Variants in SLX4 observed in about 807,000 individuals in gnomAD.
SLX4 encodes structure-specific endonuclease subunit SLX4.
SLX4 carries 112 observed loss-of-function variants against 146.2 expected under a neutral mutation model. The ratio of observed to expected loss-of-function variants is 0.77; its 90% CI spans 0.66 to 0.90. The LOEUF is 0.90. Among genes scored for constraint, SLX4 ranks in the 40% least tolerant of loss-of-function variants. The pLI is 0.00. For missense variants in SLX4, 2,563 were observed against 2,392.7 expected (o/e 1.07, Z -1.49); for synonymous variants, 1,061 against 997.7 (o/e 1.06, Z -1.20).
In SLX4 at chr16:3,601,108, G is replaced by A. The variant is rs751770341; in HGVS notation, c.1034C>T (p.Thr345Ile). The A allele has an allele frequency of 6.2e-7, 1 of 1,614,044 alleles. No homozygotes were observed. Among genetic ancestry groups the A allele is most frequent in the African/African-American group, 1.3e-5 (1 of 74,922 alleles). Residue 345 changes from threonine (T) to isoleucine (I), a missense_variant, in exon 5 of 15, where the codon ACC becomes ATC. Transcript: ENST00000294008. The stretch of plus-strand genomic sequence containing the variant: ...CAAGTGACTGGTTCTGCTCTTTAAG[G>A]TAAGAAACGGTTTCCCACAAATCGG... ...ECPICGKPFL[T>I]LKSRTSHLKQ... is the part of the protein sequence containing the mutation.
In SLX4 at chr16:3,591,143, G is replaced by A; in HGVS notation, c.2495C>T (p.Thr832Ile). 1 of 1,614,186 alleles carries A rather than the reference G, an allele frequency of 6.2e-7. No individual in the cohort carries two copies. Among genetic ancestry groups the A allele is most frequent in the Non-Finnish European group, 8.5e-7 (1 of 1,180,040 alleles). Reference sequence around the variant, plus strand: ...TTCGTGGTCCTTGGATTTCAACAAAGTCTCCGCTTCCTCCTCTTCATCTGC... The same window carrying A: ...TTCGTGGTCCTTGGATTTCAACAAAATCTCCGCTTCCTCCTCTTCATCTGC... ...MWADEEEEAE[T>I]LLKSKDHEED... is the part of the protein sequence containing the mutation. The change falls in exon 12 of 15, where the codon ACT (threonine) becomes ATT (isoleucine). Residue 832 changes from threonine to isoleucine, a missense_variant. By Grantham distance (89) the Thr-to-Ile change is moderately conservative. Coordinates refer to ENST00000294008, the MANE Select transcript of SLX4 (RefSeq NM_032444.4).
rs755156361 is a variant in SLX4 at position 3,601,211 on chromosome 16, A to G, written c.951-20T>C. On this transcript the variant is annotated intron_variant, in intron 4 of 14. Transcript: ENST00000294008. Reference sequence around the variant, plus strand: ...AAGCACCTGAAGGAAAACAGTCAATACAGGAGAACCACCCTCCCCAGGAAT... The same window carrying G: ...AAGCACCTGAAGGAAAACAGTCAATGCAGGAGAACCACCCTCCCCAGGAAT... 7 of 1,612,982 alleles carry G rather than the reference A, an allele frequency of 4.3e-6. No homozygotes were observed. In the South Asian group the frequency reaches 7.7e-5, roughly 18 times the overall value.
chr16:3,597,573 A>T lies in SLX4; in HGVS notation c.1489T>A (p.Leu497Met). 1 of 1,613,946 alleles carries T rather than the reference A, an allele frequency of 6.2e-7. No homozygotes were observed. Among genetic ancestry groups the T allele is most frequent in the African/African-American group, 1.3e-5 (1 of 74,952 alleles). ...VALLLSEEVE[L>M]SSTPPLPASR... ...GCAGGAAGTGGTGGCGTGCTAGACA[A>T]TTCCACTTCCTCAGAGAGGAGCAGG... The change falls in exon 7 of 15, where the codon TTG becomes ATG. Residue 497 changes from leucine to methionine, a missense_variant. Coordinates refer to ENST00000294008, the MANE Select transcript of SLX4 (RefSeq NM_032444.4). This position sits in a 1 kb window ranked among gnomAD's most constrained non-coding sequence, Gnocchi z 4.4.
rs2151117136 is a variant in SLX4 at position 3,583,491 on chromosome 16, G to A, written c.4759C>T (p.Pro1587Ser). The change falls in exon 14 of 15, where the codon CCT (proline) becomes TCT (serine). Residue 1587 changes from proline to serine, a missense_variant. Transcript: ENST00000294008. ...AGCTTCAGAACCATCTGGCGTTTAG[G>A]CAGAGGGCGGACTCCAAACCTGACG... Reference protein sequence around the residue: ...ELDRFGVRPLPKRQMVLKLKE... With the variant: ...ELDRFGVRPLSKRQMVLKLKE... The A allele has an allele frequency of 2.5e-6, 4 of 1,614,178 alleles. No individual in the cohort carries two copies. The highest frequency in any genetic ancestry group is 3.4e-6 in the Non-Finnish European group (4 of 1,180,044).
chr16:3,587,526 G>C (rs1284159065), intron 12 of SLX4, among the ~76,000 whole-genome samples: 1 of 152,188 alleles, frequency 6.6e-6, no homozygotes, highest in Admixed American at 6.5e-5. Context: ...TGACCATGGA[G>C]CCCTTTGAGC....
chr16:3,584,032 C>T (rs1343256276), intron 13 of SLX4, among the ~76,000 whole-genome samples: 2 of 151,904 alleles, frequency 1.3e-5, no homozygotes, highest in Non-Finnish European at 2.9e-5. Flanking sequence ...ATATGCTGCT[C>T]CCAGTTCTGA....
At position 3,582,017 on chromosome 16, in the gene SLX4, T is replaced by A; in HGVS notation, c.*325A>T. ...GAGATTGTGCCACTGCACTCCAGCC[T>A]AGGTGACACAGCACGACTGTCTCAA... On this transcript the variant is annotated 3_prime_UTR_variant, in exon 15 of 15. Coordinates refer to ENST00000294008, the MANE Select transcript of SLX4 (RefSeq NM_032444.4). The A allele has an allele frequency of 2.5e-6, 1 of 393,320 alleles. No individual in the cohort carries two copies. Among genetic ancestry groups the A allele is most frequent in the African/African-American group, 2.0e-5 (1 of 49,770 alleles). 24.4% of individuals were successfully genotyped at this position (393,320 alleles called of 1,614,324 possible).
intron 3 of SLX4, among the ~76,000 whole-genome samples, chr16:3,604,711 C>T (rs916017920): frequency 2.6e-5 from 4 of 151,536 alleles, no homozygotes; most frequent in Non-Finnish European, 5.9e-5. Context: ...GTCCCAGCTT[C>T]CTGGAAGCTG....
At chr16:3,602,896 G>C (rs1358176325) in intron 3 of SLX4, among the ~76,000 whole-genome samples, 1 of 152,144 alleles carries the variant, frequency 6.6e-6, no homozygotes, top group Non-Finnish European at 1.5e-5. Context: ...TGGCTCCCAG[G>C]GTGGCCCATC....
At chr16:3,610,034 C>T (rs982680705) in intron 1 of SLX4, among the ~76,000 whole-genome samples, 1 of 152,212 alleles carries the variant, frequency 6.6e-6, no homozygotes, top group Admixed American at 6.5e-5. Flanking sequence ...ATCTTCTCAA[C>T]CCAGCAAGGC....
At chr16:3,586,218 T>C (rs944866022) in intron 12 of SLX4, among the ~76,000 whole-genome samples, 1 of 152,116 alleles carries the variant, frequency 6.6e-6, no homozygotes, top group African/African-American at 2.4e-5. Flanking sequence ...GCATTATTAA[T>C]AACCACAAAT....
At position 3,590,593 on chromosome 16, in the gene SLX4, C is replaced by T. The variant is rs1334575564; in HGVS notation, c.3045G>A (p.Gly1015=). The change falls in exon 12 of 15, where the codon GGG becomes GGA. Residue 1015 remains glycine (G), a synonymous_variant. Coordinates refer to ENST00000294008, the MANE Select transcript of SLX4 (RefSeq NM_032444.4). The surrounding 1 kb of genome is among the most constrained non-coding windows in gnomAD (Gnocchi z 4.8). ...GAGCCAGGCGATGAGAAACCTCCAG[C>T]CCCCTTTCCCTGACAGCGCCACTTT... ...EEQSGAVRER[G]LEVSHRLAPW... is the part of the protein sequence containing the mutation. The T allele has an allele frequency of 1.9e-6, 3 of 1,613,610 alleles. No homozygotes were observed. Among genetic ancestry groups the T allele is most frequent in the Admixed American group, 3.3e-5 (2 of 60,024 alleles).
In SLX4 at chr16:3,609,050, G is replaced by T; in HGVS notation, c.-86C>A. On this transcript the variant is annotated 5_prime_UTR_variant, in exon 2 of 15. The change creates a premature stop within an existing upstream ORF in the 5' untranslated region. Transcript: ENST00000294008. ...TACTGTTTTCCTCTCTATAATGATT[G>T]AAGTATCTTTGTTCAAATTGGGCCT... 1 of 1,472,710 alleles carries T rather than the reference G, an allele frequency of 6.8e-7. No individual in the cohort carries two copies. Among genetic ancestry groups the T allele is most frequent in the Non-Finnish European group, 9.2e-7 (1 of 1,084,272 alleles). 91.2% of individuals were successfully genotyped at this position (1,472,710 alleles called of 1,614,324 possible).
chr16:3,588,843 C>G (rs751383052), intron 12 of SLX4, among the ~76,000 whole-genome samples, 159 bp downstream of exon 12: 9 of 152,178 alleles, frequency 5.9e-5, no homozygotes, highest in Non-Finnish European at 1.2e-4. Flanking sequence ...CGGCTCTCCT[C>G]CACTGTGGAG....
Position 3,590,369 on chromosome 16 carries a change from G to A in SLX4, c.3269C>T (p.Thr1090Met), listed in dbSNP as rs780143733. The change falls in exon 12 of 15, where the codon ACG (threonine) becomes ATG (methionine). Residue 1090 changes from threonine (T) to methionine (M), a missense_variant. By Grantham distance (81) the Thr-to-Met change is moderately conservative. Coordinates refer to ENST00000294008, the MANE Select transcript of SLX4 (RefSeq NM_032444.4). The surrounding 1 kb of genome is among the most constrained non-coding windows in gnomAD (Gnocchi z 4.8). ...SKQKRDRSIL[T>M]LSKEPGHQKG... ...CTGGTGCCCTGGCTCTTTAGACAGC[G>A]TGAGGATGCTCCTGTCCCTTTTCTG... 25 of 1,614,114 alleles carry A rather than the reference G, an allele frequency of 1.5e-5. No individual in the cohort carries two copies. The highest frequency in any genetic ancestry group is 2.7e-5 in the African/African-American group (2 of 74,944).
chr16:3,596,299 G>T lies in SLX4; in HGVS notation c.1778C>A (p.Ala593Glu). 6.3e-7 allele frequency: 1 copy of T among 1,574,906 alleles called. No homozygotes were observed. ...RSPALHGTPT[A>E]GCGSRGPSPS... ...CGACGGGCCCCTGGAGCCACAGCCT[G>T]CAGTGGGGGTGCCGTGGAGAGCGGG... Residue 593 changes from alanine to glutamate, a missense_variant, in exon 8 of 15, where the codon GCA becomes GAA. Transcript: ENST00000294008.
Position 3,602,053 on chromosome 16 carries a change from G to A in SLX4, c.950+65C>T, listed in dbSNP as rs558360768. 1.0e-5 allele frequency: 16 copies of A among 1,604,638 alleles called. No homozygotes were observed. In the Admixed American group the frequency reaches 1.5e-4, roughly 15 times the overall value. On this transcript the variant is annotated intron_variant, in intron 4 of 14. Transcript: ENST00000294008. ...GTAAGGTGTGGAGATCCGCACTCCA[G>A]CCCTGGGGTGCTTGGGGATTCTGGT...
At position 3,589,472 on chromosome 16, in the gene SLX4, G is replaced by A. The variant is rs773210318; in HGVS notation, c.4166C>T (p.Ala1389Val). 1.4e-5 allele frequency: 22 copies of A among 1,608,418 alleles called. No homozygotes were observed. Among genetic ancestry groups the A allele is most frequent in the South Asian group, 6.6e-5 (6 of 91,046 alleles). ...PGPSFLNQTP[A>V]GEVVEVGDSD... ...GTCTCCGACTTCCACCACTTCACCC[G>A]CTGGGGTCTGGTTCAGGAAGCTTGG... Residue 1389 changes from alanine (A) to valine (V), a missense_variant, in exon 12 of 15, where the codon GCG becomes GTG. Ala to Val is a moderately conservative substitution (Grantham distance 64). Coordinates refer to ENST00000294008, the MANE Select transcript of SLX4 (RefSeq NM_032444.4). The surrounding 1 kb of genome is among the most constrained non-coding windows in gnomAD (Gnocchi z 6.2).
rs771415606 is a variant in SLX4 at position 3,594,471 on chromosome 16, G to A, written c.2142C>T (p.Cys714=). The A allele has an allele frequency of 1.2e-6, 2 of 1,613,584 alleles. No individual in the cohort carries two copies. The highest frequency in any genetic ancestry group is 2.2e-5 in the South Asian group (2 of 90,992). ...TACTTACATACTGGATGAGGAGCGG[G>A]CATCGGGCATAAAGCACGAACTTGT... ...YAHKFVLYAR[C]PLLIQYVNNE... Residue 714 remains cysteine (C), a synonymous_variant, in exon 10 of 15, where the codon TGC becomes TGT. Coordinates refer to ENST00000294008, the MANE Select transcript of SLX4 (RefSeq NM_032444.4).
Sources: gnomAD v4.1 joint callset for allele counts (sites outside exome capture counted in the v4.1 genomes callset) on GRCh38, gnomAD v4.1.1 for gene constraint, Gnocchi (gnomAD v3.1) non-coding constraint, MANE v1.5 for transcripts, NCBI Gene and HGNC (gene_info 2026-07-23, HGNC 2026-07-21) for gene names.